RBFOX1: variants seen among roughly 807,000 people sequenced by gnomAD.
The protein encoded by RBFOX1 is RNA binding protein fox-1 homolog 1.
Under a neutral mutation model 57.7 loss-of-function variants are expected in RBFOX1, and 8 were observed. The observed-to-expected ratio is 0.14, with a 90% CI of 0.08 to 0.25. The LOEUF is 0.25. Among genes scored for constraint, RBFOX1 ranks in the 10% least tolerant of loss-of-function variants. The probability of loss-of-function intolerance (pLI) is 1.00; values close to 1 mark genes in which losing one functional copy is unlikely to be tolerated. For missense variants in RBFOX1, 611 were observed against 548.5 expected, an observed-to-expected ratio of 1.11 and a Z score of -1.14; for synonymous variants, 326 against 222.4, an observed-to-expected ratio of 1.47 and a Z score of -4.15.
chr16:7,368,865 G>A (rs988722260), intron 4 of RBFOX1, among the ~76,000 whole-genome samples: 23 of 152,180 alleles, frequency 1.5e-4, no homozygotes, highest in African/African-American at 5.3e-4. Flanking sequence ...AAGCCAGACA[G>A]TTATCTTCAG....
chr16:6,299,734 C>T (rs578212273), intron 1 of RBFOX1, among the ~76,000 whole-genome samples: 10 of 152,310 alleles, frequency 6.6e-5, no homozygotes, highest in African/African-American at 2.2e-4. Context: ...AAAGCGTGGA[C>T]TCTGGCGTCT....
intron 1 of RBFOX1, among the ~76,000 whole-genome samples, chr16:5,330,348 A>G (rs1371607253): frequency 6.6e-6 from 1 of 152,134 alleles, no homozygotes; most frequent in Non-Finnish European, 1.5e-5. Context: ...AAAATTATAA[A>G]TTGGTTTATC....
At chr16:6,913,245 T>A (rs1215974631) in intron 3 of RBFOX1, among the ~76,000 whole-genome samples, 2 of 152,286 alleles carry the variant, frequency 1.3e-5, no homozygotes, top group East Asian at 3.9e-4. Flanking sequence ...GTCCACCTAT[T>A]TAACTGTTAT....
chr16:6,582,461 AT>A (rs5815331), intron 2 of RBFOX1, among the ~76,000 whole-genome samples: 1 of 146,936 alleles, frequency 6.8e-6, no homozygotes, highest in African/African-American at 2.5e-5. Flanking sequence ...GTTAGCGCCA[AT>A]TTTTTTTTTT....
intron 11 of RBFOX1, among the ~76,000 whole-genome samples, chr16:7,632,952 T>C (rs980046509): frequency 6.6e-6 from 1 of 152,180 alleles, no homozygotes; most frequent in African/African-American, 2.4e-5. Flanking sequence ...CTAAAGTGAA[T>C]TGGGGAAGCA....
At chr16:7,168,780 A>C (rs2080087477) in intron 4 of RBFOX1, among the ~76,000 whole-genome samples, 1 of 152,188 alleles carries the variant, frequency 6.6e-6, no homozygotes, top group Admixed American at 6.5e-5. Flanking sequence ...CACCATCCAA[A>C]TACAACAATT....
At chr16:5,813,472 A>G (rs989780078) in intron 3 of RBFOX1, among the ~76,000 whole-genome samples, 1 of 152,196 alleles carries the variant, frequency 6.6e-6, no homozygotes, top group Non-Finnish European at 1.5e-5. Context: ...AATATGATTC[A>G]GCCATAAAGG....
chr16:6,927,272 G>A (rs1787448706), intron 3 of RBFOX1, among the ~76,000 whole-genome samples: 2 of 151,578 alleles, frequency 1.3e-5, no homozygotes, highest in African/African-American at 4.9e-5. Flanking sequence ...AATTTGCCAG[G>A]TGTGGTGACA....
At position 5,665,171 on chromosome 16, in the gene RBFOX1, G is replaced by A. The variant is rs956401101; in HGVS notation, c.318+66210G>A. 2.7e-5 allele frequency among the ~76,000 whole-genome samples: 4 copies of A among 147,994 alleles called. No homozygotes were observed. In the East Asian group the frequency reaches 6.0e-4, roughly 22 times the overall value. On this transcript the variant is annotated intron_variant, in intron 3 of 19. Coordinates refer to the RBFOX1 transcript ENST00000641259. ...TTGCTATATTGCCCAGGCTGGCCTC[G>A]AACTCCTGGGCTCAGGCGATCCTCC...
intron 1 of RBFOX1, among the ~76,000 whole-genome samples, chr16:5,393,667 G>T (rs1386509549): frequency 6.6e-6 from 1 of 152,036 alleles, no homozygotes; most frequent in Non-Finnish European, 1.5e-5. Flanking sequence ...AAAAAAGGAG[G>T]TGTTCTGTGT....
intron 2 of RBFOX1, among the ~76,000 whole-genome samples, chr16:6,322,083 G>A (rs182866744): frequency 6.9e-4 from 105 of 152,212 alleles, no homozygotes; most frequent in Middle Eastern, 3.4e-3. Flanking sequence ...TTTTTCATCC[G>A]CCACCAAATG....
chr16:6,761,061 A>T, intron 3 of RBFOX1, among the ~76,000 whole-genome samples: 1 of 152,226 alleles, frequency 6.6e-6, no homozygotes, highest in Non-Finnish European at 1.5e-5. Context: ...TTTTTGAATT[A>T]AATTACCTAT....
chr16:5,904,368 A>C (rs958045911), intron 4 of RBFOX1, among the ~76,000 whole-genome samples: 10 of 151,932 alleles, frequency 6.6e-5, no homozygotes, highest in Admixed American at 4.6e-4. Context: ...CTGCTCCATC[A>C]CTTGGGGACA....
intron 4 of RBFOX1, among the ~76,000 whole-genome samples, chr16:7,398,365 T>G (rs1488250752): frequency 6.6e-6 from 1 of 152,238 alleles, no homozygotes; most frequent in Non-Finnish European, 1.5e-5. Context: ...ATCTCAGTGT[T>G]ACAGAAAATT....
At chr16:6,897,660 G>A (rs997411770) in intron 3 of RBFOX1, among the ~76,000 whole-genome samples, 2 of 151,854 alleles carry the variant, frequency 1.3e-5, no homozygotes, top group Non-Finnish European at 2.9e-5. Flanking sequence ...GGGCTTGGTG[G>A]CACGTGTCTG....
chr16:7,486,235 G>A (rs950509193), intron 4 of RBFOX1, among the ~76,000 whole-genome samples: 1 of 143,932 alleles, frequency 6.9e-6, no homozygotes, highest in African/African-American at 2.6e-5. Flanking sequence ...TGATTCTCCT[G>A]CCTCAGCCTC....
intron 3 of RBFOX1, among the ~76,000 whole-genome samples, chr16:5,714,047 G>A (rs904121078): frequency 2.6e-5 from 4 of 152,174 alleles, no homozygotes; most frequent in Non-Finnish European, 4.4e-5. Context: ...AATAAAATAT[G>A]AGCCTATGCA....
chr16:5,958,037 C>G (rs372072244), intron 4 of RBFOX1, among the ~76,000 whole-genome samples: 23 of 152,126 alleles, frequency 1.5e-4, no homozygotes, highest in Admixed American at 5.2e-4. Flanking sequence ...TATGTTGATT[C>G]TAGATTTGAT....
At chr16:6,834,998 T>C (rs2141199707) in intron 3 of RBFOX1, among the ~76,000 whole-genome samples, 1 of 151,836 alleles carries the variant, frequency 6.6e-6, no homozygotes, top group East Asian at 2.0e-4. Flanking sequence ...GTTCACGCCA[T>C]TCTCCTGCCT....
Sources: gnomAD v4.1 joint callset for allele counts (sites outside exome capture counted in the v4.1 genomes callset) on GRCh38, gnomAD v4.1.1 for gene constraint, MANE v1.5 for transcripts, NCBI Gene and HGNC (gene_info 2026-07-23, HGNC 2026-07-21) for gene names.